RSPH1: variants seen among roughly 807,000 people sequenced by gnomAD.
RSPH1 encodes the protein radial spoke head component 1, also known as radial spoke head 1 homolog.
Under a neutral mutation model 44.2 loss-of-function variants are expected in RSPH1, and 32 were observed. The observed-to-expected ratio is 0.72, with a 90% CI of 0.55 to 0.97. The LOEUF (loss-of-function observed/expected upper bound fraction) is 0.97. Among genes scored for constraint, RSPH1 ranks in the 50% least tolerant of loss-of-function variants. The pLI is 0.00. For missense variants in RSPH1, 391 were observed against 398.7 expected (o/e 0.98, Z 0.16); for synonymous variants, 134 against 147.3 (o/e 0.91, Z 0.65).
intron 7 of RSPH1, among the ~76,000 whole-genome samples, chr21:42,476,697 G>A (rs1483279927): frequency 2.0e-5 from 3 of 152,066 alleles, no homozygotes; most frequent in Admixed American, 2.0e-4. Context: ...CCTAGGTGAG[G>A]GGATAAGGGT....
Position 42,485,708 on chromosome 21 carries a change from G to C in RSPH1, c.462C>G (p.His154Gln), listed in dbSNP as rs751048775. ...ACTTGCCCTGGTACCTGTGGTTCAG[G>C]TGAATGAGCTCGGCCGTGCCCTCCT... ...GQQEGTAELI[H>Q]LNHRYQGKFL... The change falls in exon 5 of 9, where the codon CAC becomes CAG. Residue 154 changes from histidine (H) to glutamine (Q), a missense_variant. His to Gln is a conservative substitution (Grantham distance 24). Coordinates refer to ENST00000291536, the MANE Select transcript of RSPH1 (RefSeq NM_080860.4). The C allele has an allele frequency of 1.9e-6, 3 of 1,614,204 alleles. No homozygotes were observed. The highest frequency in any genetic ancestry group is 2.5e-6 in the Non-Finnish European group (3 of 1,180,040).
At chr21:42,486,514 C>A in intron 3 of RSPH1, 53 bp from the exon 4 acceptor site, 2 of 1,259,824 alleles carry the variant, frequency 1.6e-6, no homozygotes, top group South Asian at 1.2e-5. Context: ...GATCGATGCC[C>A]TGTACCATGT....
At chr21:42,476,245 A>G (rs938742271) in intron 7 of RSPH1, among the ~76,000 whole-genome samples, 198 bp from the exon 8 acceptor site, 5 of 151,794 alleles carry the variant, frequency 3.3e-5, no homozygotes, top group Non-Finnish European at 1.5e-5. Flanking sequence ...CACTGTAGTC[A>G]GTGGCTTGGG....
At chr21:42,477,253 C>A in intron 7 of RSPH1, 38 bp downstream of exon 7, 1 of 1,568,636 alleles carries the variant, frequency 6.4e-7, no homozygotes, top group East Asian at 2.3e-5. Flanking sequence ...CCCACACCCT[C>A]TGCCCCCTCC....
At chr21:42,495,085 C>A (rs1057090996) in intron 1 of RSPH1, among the ~76,000 whole-genome samples, 1 of 152,190 alleles carries the variant, frequency 6.6e-6, no homozygotes, top group African/African-American at 2.4e-5. Flanking sequence ...AGGAAGGATG[C>A]CTTTGCAGGT....
At chr21:42,494,705 T>TTG (rs566282092) in intron 1 of RSPH1, among the ~76,000 whole-genome samples, 1 of 56,200 alleles carries the variant, frequency 1.8e-5, no homozygotes, top group East Asian at 3.6e-4. Flanking sequence ...GAACAAGTGA[T>TTG]TTTTTTTTTT....
intron 6 of RSPH1, among the ~76,000 whole-genome samples, chr21:42,479,551 AC>A (rs1486827035): frequency 6.6e-6 from 1 of 152,164 alleles, no homozygotes; most frequent in Non-Finnish European, 1.5e-5. Flanking sequence ...GTAACCCTAA[AC>A]AGTTATTACC....
chr21:42,477,720 G>A (rs1220025949), intron 6 of RSPH1, among the ~76,000 whole-genome samples: 12 of 152,220 alleles, frequency 7.9e-5, no homozygotes, highest in Admixed American at 7.9e-4. Context: ...AAGGCTTTCA[G>A]ATGAGCATGT....
At chr21:42,494,464 A>G (rs149674159) in intron 1 of RSPH1, among the ~76,000 whole-genome samples, 15 of 152,314 alleles carry the variant, frequency 9.8e-5, no homozygotes, top group African/African-American at 3.6e-4. Flanking sequence ...GTTTACATCA[A>G]AATGTACAAA....
Position 42,483,955 on chromosome 21 carries a change from G to A in RSPH1, c.502-1247C>T, listed in dbSNP as rs73905675. ...GTGTGTGAAATTATTTTATATACTGGGAACTGTCTCTGGACTTCCTAATTT... is the reference window on the plus strand; with the variant it reads ...GTGTGTGAAATTATTTTATATACTGAGAACTGTCTCTGGACTTCCTAATTT... On this transcript the variant is annotated intron_variant, in intron 5 of 8. Transcript: ENST00000291536. Among the ~76,000 whole-genome samples the A allele has an allele frequency of 7.8e-3, 1,180 of 152,034 alleles. 16 individuals carry two copies. The highest frequency in any genetic ancestry group is 0.027 in the African/African-American group (1,125 of 41,472).
intron 3 of RSPH1, among the ~76,000 whole-genome samples, chr21:42,490,867 T>C (rs950102771): frequency 7.0e-6 from 1 of 143,452 alleles, no homozygotes; most frequent in African/African-American, 2.6e-5. Context: ...CAACTTTTGG[T>C]AAAGAAGAAG....
intron 7 of RSPH1, 84 bp downstream of exon 7, chr21:42,477,201 CCGGGGA>C (rs2054070675): frequency 2.1e-6 from 1 of 484,992 alleles, no homozygotes; most frequent in African/African-American, 3.2e-5. Flanking sequence ...ACCCCACAGC[CCGGGGA>C]TGCCCCACAC....
chr21:42,482,521 G>T (rs1253246565), intron 6 of RSPH1, 116 bp downstream of exon 6: 5 of 660,574 alleles, frequency 7.6e-6, no homozygotes, highest in East Asian at 5.6e-5. Flanking sequence ...AAATGTGAAA[G>T]TGCCTAAGAG....
At chr21:42,489,525 C>A (rs113268211) in intron 3 of RSPH1, among the ~76,000 whole-genome samples, 3 of 152,130 alleles carry the variant, frequency 2.0e-5, no homozygotes, top group African/African-American at 4.8e-5. Flanking sequence ...GCTCCTCCCC[C>A]CTCAAATGCT....
chr21:42,492,228 A>C (rs2054243298), intron 3 of RSPH1, among the ~76,000 whole-genome samples: 1 of 152,208 alleles, frequency 6.6e-6, no homozygotes, highest in Non-Finnish European at 1.5e-5. Context: ...CTTGGAAATA[A>C]AGGAAAAAGA....
In RSPH1 at chr21:42,493,077, T is replaced by A. The variant is rs200861411; in HGVS notation, c.57A>T (p.Glu19Asp). 6.1e-5 allele frequency: 98 copies of A among 1,613,040 alleles called. No individual in the cohort carries two copies. In the East Asian group the frequency reaches 9.8e-4, roughly 16 times the overall value. The stretch of plus-strand genomic sequence containing the variant: ...CTGCCTCATTCCGACCCCCCTCATA[T>A]TCCTGGGTAATGAAAATTGACACAA... ...LEEEGENDIG[E>D]YEGGRNEAGE... Residue 19 changes from glutamate to aspartate, a missense_variant and splice_region_variant, in exon 2 of 9, where the codon GAA becomes GAT. Coordinates refer to ENST00000291536, the MANE Select transcript of RSPH1 (RefSeq NM_080860.4).
chr21:42,484,260 TAAAC>T (rs1278859314), intron 5 of RSPH1, among the ~76,000 whole-genome samples: 4 of 152,186 alleles, frequency 2.6e-5, no homozygotes, highest in Non-Finnish European at 5.9e-5. Flanking sequence ...GAATATATGA[TAAAC>T]AGACTCATAT....
chr21:42,475,899 C>T lies in RSPH1; in HGVS notation c.876G>A (p.Glu292=). The change falls in exon 8 of 9, where the codon GAG becomes GAA. Residue 292 remains glutamate (E), a splice_region_variant and synonymous_variant. Transcript: ENST00000291536. The part of the protein sequence containing the change: ...DQEEFRYDMD[E]GNINSEEEET... ...CACTTCCCTGCGCAGGGACCTCACC[C>T]TCATCCATGTCATAGCGGAACTCCT... 1 of 1,610,600 alleles carries T rather than the reference C, an allele frequency of 6.2e-7. No homozygotes were observed. The highest frequency in any genetic ancestry group is 8.5e-7 in the Non-Finnish European group (1 of 1,179,314).
chr21:42,477,995 T>C lies in RSPH1; in HGVS notation c.574-551A>G, dbSNP rs548239807. ...GATGTCCATATGATATGGATTTGCA[T>C]AAACGCAAAAGCTCAAGTGTCAAGG... On this transcript the variant is annotated intron_variant, in intron 6 of 8. Transcript: ENST00000291536. 2.0e-5 allele frequency among the ~76,000 whole-genome samples: 3 copies of C among 152,302 alleles called. No individual in the cohort carries two copies. In the South Asian group the frequency reaches 6.2e-4, roughly 32 times the overall value.
Sources: gnomAD v4.1 joint callset for allele counts (sites outside exome capture counted in the v4.1 genomes callset) on GRCh38, gnomAD v4.1.1 for gene constraint, MANE v1.5 for transcripts, NCBI Gene and HGNC (gene_info 2026-07-23, HGNC 2026-07-21) for gene names.